The following PDE12 variants were observed in gnomAD, a reference collection of about 807,000 sequenced individuals.
PDE12 encodes the protein phosphodiesterase 12.
PDE12 carries 26 observed loss-of-function variants against 45.4 expected under a neutral mutation model. The observed-to-expected ratio is 0.57, with a 90% CI of 0.42 to 0.79. The LOEUF (loss-of-function observed/expected upper bound fraction) is 0.79. Ranked by LOEUF, PDE12 falls within the 30% of genes least tolerant of loss-of-function variation. PDE12 has a pLI of 0.00. For synonymous variants in PDE12, 283 were observed against 323.9 expected, an observed-to-expected ratio of 0.87 and a Z score of 1.36; for missense variants, 668 against 790.0, an observed-to-expected ratio of 0.85 and a Z score of 1.85.
At chr3:57,643,735 G>A in the PDE12 span, among the ~76,000 whole-genome samples, 23 of 151,272 alleles carry the variant, frequency 1.5e-4, no homozygotes, top group African/African-American at 5.6e-4. Flanking sequence ...GCTGAGGTAG[G>A]AGAATCACTT....
the PDE12 span, among the ~76,000 whole-genome samples, chr3:57,585,601 A>G: frequency 6.6e-6 from 1 of 152,120 alleles, no homozygotes; most frequent in Non-Finnish European, 1.5e-5. Flanking sequence ...TGTACCCTAG[A>G]ACTTAAAGTA....
Position 57,557,607 on chromosome 3 carries a change from C to G in PDE12, c.1228C>G (p.Leu410Val). The G allele has an allele frequency of 6.2e-7, 1 of 1,614,186 alleles. No individual in the cohort carries two copies. Among genetic ancestry groups the G allele is most frequent in the South Asian group, 1.1e-5 (1 of 91,082 alleles). Residue 410 changes from leucine (L) to valine (V), a missense_variant, in exon 1 of 3, where the codon CTT becomes GTT. By Grantham distance (32) the Leu-to-Val change is conservative. Around this residue, in one of 3 missense-constraint regions of PDE12, gnomAD observed 580 missense variants for 662.9 expected, o/e 0.87. Coordinates refer to ENST00000311180, the MANE Select transcript of PDE12 (RefSeq NM_177966.7). Reference protein sequence around the residue: ...SFYEALESDPLHKELLEKLVL... With the variant: ...SFYEALESDPVHKELLEKLVL... Reference sequence around the variant, plus strand: ...CTACGAAGCCCTCGAGTCCGACCCACTTCACAAAGAACTGCTGGAGAAACT... The same window carrying G: ...CTACGAAGCCCTCGAGTCCGACCCAGTTCACAAAGAACTGCTGGAGAAACT...
At chr3:57,631,342 G>A in the PDE12 span, among the ~76,000 whole-genome samples, 7 of 152,024 alleles carry the variant, frequency 4.6e-5, no homozygotes, top group African/African-American at 1.7e-4. Flanking sequence ...GATTACAGGC[G>A]TGCGCCACCA....
the PDE12 span, among the ~76,000 whole-genome samples, chr3:57,623,352 ATCATT>A: frequency 6.6e-6 from 1 of 151,820 alleles, no homozygotes; most frequent in Non-Finnish European, 1.5e-5. Context: ...AATGAATGCA[ATCATT>A]TCAAGTTTCC....
chr3:57,570,287 C>T (rs1167875683), downstream of PDE12, among the ~76,000 whole-genome samples: 2 of 136,922 alleles, frequency 1.5e-5, no homozygotes, highest in African/African-American at 2.8e-5. Flanking sequence ...TGTTGGCTCA[C>T]TGCAACCTCT....
At chr3:57,592,664 C>T in the PDE12 span, among the ~76,000 whole-genome samples, 1 of 152,102 alleles carries the variant, frequency 6.6e-6, no homozygotes, top group African/African-American at 2.4e-5. Context: ...TATTGCACTA[C>T]TATAATAATG....
In PDE12 at chr3:57,557,118, A is replaced by T. The variant is rs2069671862; in HGVS notation, c.739A>T (p.Lys247Ter). 2 of 1,613,916 alleles carry T rather than the reference A, an allele frequency of 1.2e-6. No homozygotes were observed. Among genetic ancestry groups the T allele is most frequent in the Non-Finnish European group, 1.7e-6 (2 of 1,180,018 alleles). Residue 247 changes from lysine to a stop codon, truncating the protein, a stop_gained, in exon 1 of 3, where the codon AAG becomes TAG. Coordinates refer to ENST00000311180, the MANE Select transcript of PDE12 (RefSeq NM_177966.7). LOFTEE classifies it high-confidence loss of function. ...CAATGCCGACATCGGGCTAAGGCTCAAGCTTCACTGCACCCCAGGCGATGG... is the reference window on the plus strand; with the variant it reads ...CAATGCCGACATCGGGCTAAGGCTCTAGCTTCACTGCACCCCAGGCGATGG... ...PSNADIGLRL[K>*]LHCTPGDGQR...
At chr3:57,627,152 T>C in the PDE12 span, 1 of 152,334 alleles carries the variant, frequency 6.6e-6, no homozygotes, top group East Asian at 1.9e-4. Context: ...TTTAATTTTT[T>C]ATTTTTGTTG....
the PDE12 span, among the ~76,000 whole-genome samples, chr3:57,636,689 C>G: frequency 6.6e-6 from 1 of 152,098 alleles, no homozygotes; most frequent in Non-Finnish European, 1.5e-5. Flanking sequence ...GTAATCTCAG[C>G]ACTTTGGAAA....
the PDE12 span, chr3:57,646,263 A>C: frequency 1.9e-6 from 3 of 1,569,844 alleles, no homozygotes; most frequent in Non-Finnish European, 2.6e-6. Context: ...CAACAGGTTA[A>C]GTACTGCAGC....
the PDE12 span, chr3:57,583,871 G>C: frequency 2.0e-6 from 3 of 1,477,894 alleles, no homozygotes; most frequent in Non-Finnish European, 9.3e-7. Flanking sequence ...ACAAAGAAAA[G>C]TTATAAAAAC....
the PDE12 span, among the ~76,000 whole-genome samples, chr3:57,619,773 C>T: frequency 7.3e-5 from 11 of 151,672 alleles, no homozygotes; most frequent in African/African-American, 2.7e-4. Flanking sequence ...TTGCTTAAAC[C>T]CGGGAGGCAG....
chr3:57,631,924 G>A, the PDE12 span, among the ~76,000 whole-genome samples: 1 of 148,206 alleles, frequency 6.7e-6, no homozygotes, highest in Non-Finnish European at 1.5e-5. Context: ...GGGTTTCACC[G>A]TGTTAGCCAG....
chr3:57,594,627 T>C, the PDE12 span, among the ~76,000 whole-genome samples: 2 of 152,226 alleles, frequency 1.3e-5, no homozygotes, highest in African/African-American at 2.4e-5. Context: ...CCATAGTAGT[T>C]TGGCAAACCT....
the PDE12 span, among the ~76,000 whole-genome samples, chr3:57,601,250 C>G: frequency 6.6e-6 from 1 of 152,220 alleles, no homozygotes; most frequent in East Asian, 1.9e-4. Flanking sequence ...GCTGGAATTA[C>G]AGGCACATGC....
rs188763550 is a variant in PDE12, at chr3:57,562,056, T to C, written c.*2052T>C. On this transcript the variant is annotated 3_prime_UTR_variant, in exon 3 of 3. Transcript: ENST00000311180. ...CCAAATCTTGATTCTCTTGTGAATT[T>C]TTTTTTCATTTTAAAAATATGTTTT... 1.7e-5 allele frequency: 17 copies of C among 981,158 alleles called. No individual in the cohort carries two copies. Among genetic ancestry groups the C allele is most frequent in the Non-Finnish European group, 1.7e-5 (14 of 826,142 alleles). 60.8% of individuals were successfully genotyped at this position (981,158 alleles called of 1,614,324 possible).
chr3:57,604,617 T>TTGG, the PDE12 span, among the ~76,000 whole-genome samples: 7 of 8,334 alleles, frequency 8.4e-4, no homozygotes, highest in African/African-American at 2.1e-3. Context: ...TTTTTTTTTT[T>TTGG]GGGGGGGGTG....
In PDE12 at chr3:57,557,405, C is replaced by T; in HGVS notation, c.1026C>T (p.Tyr342=). The change falls in exon 1 of 3, where the codon TAC becomes TAT. Residue 342 remains tyrosine (Y), a synonymous_variant. Transcript: ENST00000311180. ...TTATCCAGAAGGAACTCACCGGCTA[C>T]AACGCCGATGTCATCTGTTTGCAGG... is the stretch of plus-strand genomic sequence containing the variant. ...QNLIQKELTG[Y]NADVICLQEV... 6.2e-7 allele frequency: 1 copy of T among 1,614,030 alleles called. No individual in the cohort carries two copies. Among genetic ancestry groups the T allele is most frequent in the Non-Finnish European group, 8.5e-7 (1 of 1,180,030 alleles).
the PDE12 span, among the ~76,000 whole-genome samples, chr3:57,629,265 G>T: frequency 6.6e-6 from 1 of 152,134 alleles, no homozygotes; most frequent in Admixed American, 6.5e-5. Context: ...TTTACTACTG[G>T]ATGTACACTT....
Sources: allele counts gnomAD v4.1 joint callset (sites outside exome capture counted in the v4.1 genomes callset), GRCh38; gene constraint gnomAD v4.1.1; regional missense constraint gnomAD v4.1.1; transcripts MANE v1.5; gene names NCBI Gene and HGNC (gene_info 2026-07-23, HGNC 2026-07-21).